VWA3A: variants seen among roughly 807,000 people sequenced by gnomAD.
VWA3A encodes von Willebrand factor A domain containing 3A.
In VWA3A, 134 loss-of-function variants were observed where a neutral mutation model predicts 160.4. The ratio of observed to expected loss-of-function variants is 0.84; its 90% CI spans 0.73 to 0.96. The LOEUF (loss-of-function observed/expected upper bound fraction) is 0.96. Ranked by LOEUF, VWA3A falls within the 40% of genes least tolerant of loss-of-function variation. The probability of loss-of-function intolerance (pLI) is 0.00; values close to 1 mark genes in which losing one functional copy is unlikely to be tolerated. For synonymous variants in VWA3A, 476 were observed against 543.4 expected (o/e 0.88, Z 1.72); for missense variants, 1,310 against 1,447.9 (o/e 0.90, Z 1.55).
At chr16:22,135,795 T>G (rs1233365177) in intron 21 of VWA3A, among the ~76,000 whole-genome samples, 1 of 152,120 alleles carries the variant, frequency 6.6e-6, no homozygotes, top group Non-Finnish European at 1.5e-5. Flanking sequence ...TTTTGTTTTT[T>G]GGGGGTTTTT....
chr16:22,107,089 C>T (rs2045493152), intron 6 of VWA3A, among the ~76,000 whole-genome samples: 1 of 152,138 alleles, frequency 6.6e-6, no homozygotes. Flanking sequence ...TCTGAAGTTC[C>T]AAGAGAAATC....
At chr16:22,148,077 A>G in intron 27 of VWA3A, 85 bp from the exon 28 acceptor site, 1 of 1,450,390 alleles carries the variant, frequency 6.9e-7, no homozygotes, top group South Asian at 1.4e-5. Context: ...AAGACTTTAT[A>G]CTTGATAGAT....
intron 21 of VWA3A, among the ~76,000 whole-genome samples, 198 bp downstream of exon 21, chr16:22,134,636 C>A (rs77711130): frequency 6.6e-6 from 1 of 152,034 alleles, no homozygotes; most frequent in Non-Finnish European, 1.5e-5. Context: ...CCTTGCCCCT[C>A]CCTGGCTTCT....
rs574431020 is a variant in VWA3A at position 22,121,495 on chromosome 16, C to A, written c.1253-19C>A. On this transcript the variant is annotated intron_variant, in intron 13 of 33. Transcript: ENST00000389398. ...GGAGCTTCTCAGGCAGTGCCTCCAA[C>A]CTCACACTTTTTTTTCAGCCAAGAA... The A allele has an allele frequency of 6.3e-7, 1 of 1,594,824 alleles. No individual in the cohort carries two copies. Among genetic ancestry groups the A allele is most frequent in the Admixed American group, 1.7e-5 (1 of 59,984 alleles).
rs555163210 is a variant in VWA3A, at chr16:22,151,135, A to G, written c.3281+289A>G. 2.0e-5 allele frequency among the ~76,000 whole-genome samples: 3 copies of G among 152,032 alleles called. No individual in the cohort carries two copies. The East Asian group carries it at 5.8e-4, about 29-fold the overall frequency. On this transcript the variant is annotated intron_variant, in intron 30 of 33. Transcript: ENST00000389398. ...TCTCTACTAAAAATACAAAAATTAGACAGGTGTGGTGGTAGGCGCCTGTAA... is the reference window on the plus strand; with the variant it reads ...TCTCTACTAAAAATACAAAAATTAGGCAGGTGTGGTGGTAGGCGCCTGTAA...
Position 22,150,781 on chromosome 16 carries a change from A to T in VWA3A, c.3216A>T (p.Glu1072Asp), listed in dbSNP as rs146655430. Residue 1072 changes from glutamate (E) to aspartate (D), a missense_variant, in exon 30 of 34, where the codon GAA becomes GAT. By Grantham distance (45) the Glu-to-Asp change is conservative. Coordinates refer to ENST00000389398, the MANE Select transcript of VWA3A (RefSeq NM_173615.5). ...CAAGCTGCAGCCTTGTCCTAAATGA[A>T]GTCCAAAAACTCAGGGAGAAAAGAG... The part of the protein sequence containing the change: ...PDTSCSLVLN[E>D]VQKLREKRDV... The T allele has an allele frequency of 6.2e-7, 1 of 1,613,396 alleles. No homozygotes were observed. The highest frequency in any genetic ancestry group is 8.5e-7 in the Non-Finnish European group (1 of 1,179,662).
rs1217306449 is a variant in VWA3A, at chr16:22,146,363, C to G, written c.2839+19C>G. On this transcript the variant is annotated intron_variant, in intron 27 of 33. Transcript: ENST00000389398. ...CTGTCCGGTGAGCCTGCCCACTGCC[C>G]TGAAGGGTGGAGGAGCATGAGGGGA... 3 of 1,605,860 alleles carry G rather than the reference C, an allele frequency of 1.9e-6. No individual in the cohort carries two copies. Among genetic ancestry groups the G allele is most frequent in the South Asian group, 2.2e-5 (2 of 90,208 alleles).
chr16:22,100,088 A>T, intron 3 of VWA3A, 106 bp from the exon 4 acceptor site: 4 of 1,335,394 alleles, frequency 3.0e-6, no homozygotes, highest in Non-Finnish European at 4.0e-6. Flanking sequence ...AAAAAAAAAA[A>T]GATAGGGTCA....
rs34001027 is a variant in VWA3A, at chr16:22,121,502, CT to C, written c.1253-4del. On this transcript the variant is annotated splice_polypyrimidine_tract_variant and intron_variant, in intron 13 of 33. Coordinates refer to ENST00000389398, the MANE Select transcript of VWA3A (RefSeq NM_173615.5). ...CTCAGGCAGTGCCTCCAACCTCACA[CT>C]TTTTTTTCAGCCAAGAAATTAAGTC... 5.7e-5 allele frequency: 92 copies of C among 1,603,610 alleles called. 1 individual carries two copies. The highest frequency in any genetic ancestry group is 7.3e-5 in the Non-Finnish European group (86 of 1,171,752).
At chr16:22,116,269 AAAGAAAAG>A (rs1807266227) in intron 9 of VWA3A, 1 of 414,016 alleles carries the variant, frequency 2.4e-6, no homozygotes, top group Non-Finnish European at 4.6e-6. Context: ...AGAGAAAGAA[AAAGAAAAG>A]AAGAAGGAAG....
Position 22,144,420 on chromosome 16 carries a change from C to A in VWA3A, c.2730+36C>A, listed in dbSNP as rs754586833. The A allele has an allele frequency of 1.0e-5, 16 of 1,607,276 alleles. 1 individual carries two copies. The highest frequency in any genetic ancestry group is 8.5e-7 in the Non-Finnish European group (1 of 1,177,358). On this transcript the variant is annotated intron_variant, in intron 26 of 33. Coordinates refer to ENST00000389398, the MANE Select transcript of VWA3A (RefSeq NM_173615.5). Reference sequence around the variant, plus strand: ...ATTTTCATCATCGTCTTTTTTTTCTCCCCCAACTCAGCTGCAAATGGCAGA... The same window carrying A: ...ATTTTCATCATCGTCTTTTTTTTCTACCCCAACTCAGCTGCAAATGGCAGA...
intron 12 of VWA3A, among the ~76,000 whole-genome samples, chr16:22,119,407 A>T (rs775883940): frequency 1.3e-5 from 2 of 152,236 alleles, no homozygotes; most frequent in Non-Finnish European, 2.9e-5. Context: ...GCCATGGCTT[A>T]CACCTGAAAT....
At chr16:22,154,939 C>A (rs1437113972) in intron 31 of VWA3A, among the ~76,000 whole-genome samples, 8 of 110,150 alleles carry the variant, frequency 7.3e-5, no homozygotes, top group African/African-American at 1.0e-4. Flanking sequence ...CCGGCCTGGG[C>A]GACAGAGCGA....
intron 19 of VWA3A, among the ~76,000 whole-genome samples, chr16:22,132,477 G>A (rs2045965391): frequency 6.6e-6 from 1 of 152,094 alleles, no homozygotes; most frequent in Non-Finnish European, 1.5e-5. Context: ...GAGCCCAGCA[G>A]GTCAAAGCTG....
At chr16:22,107,853 C>T (rs748431102) in intron 6 of VWA3A, among the ~76,000 whole-genome samples, 2 of 151,956 alleles carry the variant, frequency 1.3e-5, no homozygotes, top group Admixed American at 6.6e-5. Context: ...TCCTAGGGCA[C>T]GCCAGTATTG....
chr16:22,144,709 A>C (rs1279272686), intron 26 of VWA3A, among the ~76,000 whole-genome samples: 1 of 151,978 alleles, frequency 6.6e-6, no homozygotes, highest in East Asian at 1.9e-4. Flanking sequence ...CTTGAGCCCA[A>C]GAGTTTGAGA....
chr16:22,098,855 G>A (rs1411224394), intron 3 of VWA3A, among the ~76,000 whole-genome samples: 1 of 140,470 alleles, frequency 7.1e-6, no homozygotes, highest in Non-Finnish European at 1.5e-5. Context: ...TGAGAGGATC[G>A]CTTGAGTCCC....
chr16:22,144,502 C>T, intron 26 of VWA3A, 118 bp downstream of exon 26: 5 of 1,384,128 alleles, frequency 3.6e-6, no homozygotes, highest in Non-Finnish European at 4.8e-6. Flanking sequence ...CCCTCCTCCC[C>T]AAAGTGGGAC....
At position 22,131,278 on chromosome 16, in the gene VWA3A, C is replaced by T. The variant is rs1043034633; in HGVS notation, c.1726C>T (p.Arg576Trp). ...VSHNNLQSAWRWALNLRCRGS... is the reference protein window; with the variant it reads ...VSHNNLQSAWWWALNLRCRGS... ...TCACAACAATTTACAAAGTGCCTGG[C>T]GGTAGGTTATGGGCAGAGACTTCGT... Residue 576 changes from arginine (R) to tryptophan (W), a missense_variant and splice_region_variant, in exon 18 of 34, where the codon CGG becomes TGG. By Grantham distance (101) the Arg-to-Trp change is moderately radical. Coordinates refer to ENST00000389398, the MANE Select transcript of VWA3A (RefSeq NM_173615.5). 42 of 1,613,812 alleles carry T rather than the reference C, an allele frequency of 2.6e-5. No individual in the cohort carries two copies. The highest frequency in any genetic ancestry group is 1.7e-4 in the Middle Eastern group (1 of 6,046).
Sources: gnomAD v4.1 joint callset for allele counts (sites outside exome capture counted in the v4.1 genomes callset) on GRCh38, gnomAD v4.1.1 for gene constraint, MANE v1.5 for transcripts, NCBI Gene and HGNC (gene_info 2026-07-23, HGNC 2026-07-21) for gene names.